The following CIMAP1D variants were observed in gnomAD, a reference collection of about 807,000 sequenced individuals.
CIMAP1D encodes CIMAP1 family member D.
the CIMAP1D span, among the ~76,000 whole-genome samples, chr19:488,414 C>G: frequency 2.6e-5 from 4 of 152,132 alleles, no homozygotes; most frequent in African/African-American, 9.7e-5. Flanking sequence ...CCCAGCTACT[C>G]GGGAGGCTGA....
the CIMAP1D span, among the ~76,000 whole-genome samples, chr19:477,442 T>G: frequency 6.6e-6 from 1 of 151,980 alleles, no homozygotes. Context: ...GGCACAGTGG[T>G]GCACGTCTGT....
the CIMAP1D span, among the ~76,000 whole-genome samples, chr19:464,864 G>A: frequency 6.6e-6 from 1 of 152,156 alleles, no homozygotes; most frequent in East Asian, 1.9e-4. Context: ...TTCATGAAGG[G>A]ATTTGTAAAT....
At chr19:483,461 T>C in the CIMAP1D span, among the ~76,000 whole-genome samples, 65,164 of 151,986 alleles carry the variant, frequency 0.43, 15,604 homozygotes, top group African/African-American at 0.66. Context: ...CCCCCAGGCA[T>C]GCAGGCTCAC....
At chr19:463,510 G>A in the CIMAP1D span, 3 of 386,944 alleles carry the variant, frequency 7.8e-6, no homozygotes, top group Non-Finnish European at 1.4e-5. Context: ...GGAGCTGGAC[G>A]CCGAGTTCTG....
the CIMAP1D span, among the ~76,000 whole-genome samples, chr19:470,362 A>G: frequency 8.4e-6 from 1 of 119,550 alleles, no homozygotes; most frequent in Non-Finnish European, 1.7e-5. Context: ...GCCCGCCACC[A>G]CGCCCGGCTA....
chr19:463,691 G>A, the CIMAP1D span: 5 of 1,104,288 alleles, frequency 4.5e-6, no homozygotes, highest in East Asian at 2.6e-5. Flanking sequence ...GGGACTGGAA[G>A]GATCAGGTGT....
chr19:487,090 A>G, the CIMAP1D span, among the ~76,000 whole-genome samples: 11,715 of 152,030 alleles, frequency 0.077, 954 homozygotes, highest in East Asian at 0.32. Context: ...CCTGCCTATC[A>G]TCATGCTGCC....
At chr19:484,659 C>A in the CIMAP1D span, among the ~76,000 whole-genome samples, 5 of 152,272 alleles carry the variant, frequency 3.3e-5, no homozygotes, top group Non-Finnish European at 4.4e-5. Context: ...CTGGGGAGGG[C>A]ACCGCTGTGC....
At chr19:472,563 ACCCAGCT>A in the CIMAP1D span, 1 of 1,237,270 alleles carries the variant, frequency 8.1e-7, no homozygotes, top group Non-Finnish European at 1.1e-6. Context: ...GGAGCCCTGG[ACCCAGCT>A]CCTGAGCCTT....
chr19:481,585 GA>G, the CIMAP1D span, among the ~76,000 whole-genome samples: 1 of 150,772 alleles, frequency 6.6e-6, no homozygotes, highest in East Asian at 2.0e-4. Flanking sequence ...AAGGATGATG[GA>G]GAAGGATGAT....
the CIMAP1D span, among the ~76,000 whole-genome samples, chr19:475,986 A>ATTTTTTT: frequency 7.4e-4 from 29 of 39,274 alleles, 7 homozygotes; most frequent in African/African-American, 1.4e-3. Flanking sequence ...CGCCTGGCTA[A>ATTTTTTT]TTTTTTTTTT....
the CIMAP1D span, among the ~76,000 whole-genome samples, chr19:470,714 T>TCCGA: frequency 6.6e-6 from 1 of 152,068 alleles, no homozygotes; most frequent in Non-Finnish European, 1.5e-5. Flanking sequence ...ACAAGACCCT[T>TCCGA]CCGACCGCGC....
the CIMAP1D span, among the ~76,000 whole-genome samples, chr19:475,154 C>T: frequency 7.8e-4 from 119 of 152,278 alleles, 1 homozygote; most frequent in South Asian, 0.023. Context: ...TCGTGGGTGG[C>T]GTGGCCCCGT....
At chr19:479,818 G>A in the CIMAP1D span, among the ~76,000 whole-genome samples, 42 of 152,382 alleles carry the variant, frequency 2.8e-4, no homozygotes, top group South Asian at 8.3e-3. Context: ...TGACAGGCGT[G>A]AGCCACCATG....
the CIMAP1D span, among the ~76,000 whole-genome samples, chr19:481,328 G>C: frequency 5.7e-5 from 7 of 123,084 alleles, no homozygotes; most frequent in South Asian, 2.8e-4. Flanking sequence ...TGATGGAGAA[G>C]GATGATGGAG....
the CIMAP1D span, among the ~76,000 whole-genome samples, chr19:483,476 G>A: frequency 1.3e-5 from 2 of 152,118 alleles, no homozygotes; most frequent in East Asian, 1.9e-4. Flanking sequence ...GCTCACCCTC[G>A]TTCCAGTGAC....
the CIMAP1D span, among the ~76,000 whole-genome samples, chr19:480,181 C>T: frequency 6.6e-6 from 1 of 152,262 alleles, no homozygotes; most frequent in East Asian, 1.9e-4. Context: ...TGGGGCAGGA[C>T]CTGCCTGGTG....
At chr19:465,469 G>A in the CIMAP1D span, among the ~76,000 whole-genome samples, 2 of 148,746 alleles carry the variant, frequency 1.3e-5, no homozygotes, top group African/African-American at 2.5e-5. Context: ...GTGGATAGAT[G>A]GGTGGGTGGG....
At chr19:487,446 G>A in the CIMAP1D span, among the ~76,000 whole-genome samples, 1 of 152,184 alleles carries the variant, frequency 6.6e-6, no homozygotes, top group Non-Finnish European at 1.5e-5. Context: ...GCCGAGGTCA[G>A]CCCACCTTGC....
Sources: gnomAD v4.1 joint callset for allele counts (sites outside exome capture counted in the v4.1 genomes callset) on GRCh38, gnomAD v4.1.1 for gene constraint, MANE v1.5 for transcripts, NCBI Gene and HGNC (gene_info 2026-07-23, HGNC 2026-07-21) for gene names.